The following SGCG variants were observed in gnomAD, a reference collection of about 807,000 sequenced individuals.
SGCG encodes sarcoglycan gamma, also known as gamma-sarcoglycan.
SGCG carries 26 observed loss-of-function variants against 29.3 expected under a neutral mutation model. The observed-to-expected ratio is 0.89, with a 90% CI of 0.65 to 1.23. SGCG has a LOEUF of 1.23. SGCG is among the 50% of genes most tolerant of loss of function. The pLI, the probability that SGCG is intolerant of heterozygous loss-of-function variation, is 0.00. For synonymous variants in SGCG, 145 were observed against 129.7 expected (o/e 1.12, Z -0.80); for missense variants, 353 against 356.0 (o/e 0.99, Z 0.07).
chr13:23,237,737 A>C (rs1879363815), intron 3 of SGCG, among the ~76,000 whole-genome samples: 7 of 152,078 alleles, frequency 4.6e-5, no homozygotes, highest in Admixed American at 4.6e-4. Context: ...AAGAGCCAAA[A>C]GGTAGACACA....
At chr13:23,273,781 C>G (rs1449627950) in intron 4 of SGCG, among the ~76,000 whole-genome samples, 1 of 152,052 alleles carries the variant, frequency 6.6e-6, no homozygotes, top group African/African-American at 2.4e-5. Flanking sequence ...GTTTGTTTAC[C>G]TTGTGCCCTG....
At chr13:23,234,046 A>G (rs1164158901) in intron 2 of SGCG, among the ~76,000 whole-genome samples, 2 of 152,228 alleles carry the variant, frequency 1.3e-5, no homozygotes, top group Non-Finnish European at 2.9e-5. Flanking sequence ...CATGTCTTCC[A>G]TCCAATCTGG....
At position 23,305,786 on chromosome 13, in the gene SGCG, C is replaced by T. The variant is rs139464284; in HGVS notation, c.578+10299C>T. Among the ~76,000 whole-genome samples the T allele has an allele frequency of 2.6e-4, 39 of 152,270 alleles. 2 individuals are homozygous for T. The South Asian group carries it at 5.2e-3, about 20-fold the overall frequency. On this transcript the variant is annotated intron_variant, in intron 6 of 7. Transcript: ENST00000218867. ...TTAGATATATTAATATGGGGTATTA[C>T]ATTAATGGATTTTCTAATACTGAAC...
chr13:23,170,311 T>A, the SGCG span, among the ~76,000 whole-genome samples: 15 of 152,356 alleles, frequency 9.8e-5, no homozygotes, highest in East Asian at 2.9e-3. Flanking sequence ...GAATCCTCCT[T>A]TCCTATGAAA....
chr13:23,304,818 C>T (rs1882303439), intron 6 of SGCG, among the ~76,000 whole-genome samples: 2 of 152,008 alleles, frequency 1.3e-5, no homozygotes, highest in Non-Finnish European at 2.9e-5. Flanking sequence ...TGGTAGAGAC[C>T]GGGTTTTGCC....
At chr13:23,224,877 GC>G (rs1230666477) in intron 2 of SGCG, among the ~76,000 whole-genome samples, 1 of 151,836 alleles carries the variant, frequency 6.6e-6, no homozygotes, top group Non-Finnish European at 1.5e-5. Flanking sequence ...CGAGAGTAGG[GC>G]CCAGGTGTCT....
chr13:23,183,708 G>C (rs762642331), intron 1 of SGCG, among the ~76,000 whole-genome samples: 1 of 151,716 alleles, frequency 6.6e-6, no homozygotes, highest in Non-Finnish European at 1.5e-5. Flanking sequence ...TCGCTCTATC[G>C]CCCAGGCTGG....
At chr13:23,265,288 A>G (rs944760774) in intron 4 of SGCG, among the ~76,000 whole-genome samples, 6 of 152,180 alleles carry the variant, frequency 3.9e-5, no homozygotes, top group Admixed American at 2.0e-4. Context: ...ATTAAAAAGT[A>G]GGCAAAGGGG....
At chr13:23,252,818 T>A (rs1880027160) in intron 4 of SGCG, among the ~76,000 whole-genome samples, 1 of 152,188 alleles carries the variant, frequency 6.6e-6, no homozygotes. Context: ...AATATAAACC[T>A]GCCTCTCATT....
chr13:23,192,603 C>T (rs969710542), intron 1 of SGCG, among the ~76,000 whole-genome samples: 44 of 151,972 alleles, frequency 2.9e-4, no homozygotes, highest in African/African-American at 1.0e-3. Context: ...ACCATGTTGG[C>T]CAGGCTGGTC....
At chr13:23,194,077 GA>G (rs1253741237) in intron 1 of SGCG, among the ~76,000 whole-genome samples, 1 of 152,180 alleles carries the variant, frequency 6.6e-6, no homozygotes, top group African/African-American at 2.4e-5. Context: ...ATAGGAAAGT[GA>G]ATATTGGATT....
intron 2 of SGCG, among the ~76,000 whole-genome samples, chr13:23,228,873 C>A (rs965233380): frequency 1.3e-5 from 2 of 151,970 alleles, no homozygotes; most frequent in Non-Finnish European, 2.9e-5. Flanking sequence ...TCTACTGTTT[C>A]TTTATTTGTT....
At chr13:23,323,263 A>C (rs1883115219) in intron 7 of SGCG, among the ~76,000 whole-genome samples, 1 of 152,228 alleles carries the variant, frequency 6.6e-6, no homozygotes, top group Non-Finnish European at 1.5e-5. Context: ...TAAAGATTCT[A>C]CTTGAAAAAC....
chr13:23,269,883 G>T (rs9552901), intron 4 of SGCG, among the ~76,000 whole-genome samples: 16,037 of 115,644 alleles, frequency 0.14, 1,201 homozygotes, highest in East Asian at 0.4. Flanking sequence ...TGTTTTTTTT[G>T]TTTTTTTTTG....
Position 23,228,200 on chromosome 13 carries a change from A to C in SGCG, c.196-6411A>C, listed in dbSNP as rs535702113. On this transcript the variant is annotated intron_variant, in intron 2 of 7. Transcript: ENST00000218867. ...AAATATTTACTTTCAGGGACATTTT[A>C]TTTAGTGAACTTTATTTCATGAAAT... 2.1e-3 allele frequency among the ~76,000 whole-genome samples: 315 copies of C among 152,312 alleles called. 1 individual carries two copies. Among genetic ancestry groups the C allele is most frequent in the African/African-American group, 7.4e-3 (307 of 41,570 alleles).
chr13:23,203,652 T>G (rs1877857354), intron 1 of SGCG, 43 bp from the exon 2 acceptor site: 1 of 1,490,662 alleles, frequency 6.7e-7, no homozygotes, highest in Non-Finnish European at 9.3e-7. Context: ...TCATTCCCTC[T>G]CTGTCTCTTT....
At chr13:23,198,140 A>G (rs1023704503) in intron 1 of SGCG, among the ~76,000 whole-genome samples, 8 of 152,148 alleles carry the variant, frequency 5.3e-5, no homozygotes, top group African/African-American at 1.9e-4. Context: ...ATTAAATGTC[A>G]TTTCTAAAAG....
chr13:23,324,324 G>A, intron 7 of SGCG, 44 bp from the exon 8 acceptor site: 3 of 1,584,634 alleles, frequency 1.9e-6, no homozygotes, highest in Non-Finnish European at 2.6e-6. Flanking sequence ...GCTGACCAGG[G>A]TGGCCCTTCC....
chr13:23,220,402 A>G (rs73443259), intron 2 of SGCG, among the ~76,000 whole-genome samples: 14,078 of 152,228 alleles, frequency 0.092, 869 homozygotes, highest in South Asian at 0.2. Flanking sequence ...ATGAGCCGAA[A>G]TCGCACCATT....
Sources: gnomAD v4.1 joint callset for allele counts (sites outside exome capture counted in the v4.1 genomes callset) on GRCh38, gnomAD v4.1.1 for gene constraint, MANE v1.5 for transcripts, NCBI Gene and HGNC (gene_info 2026-07-23, HGNC 2026-07-21) for gene names.